Variants in ANO1 observed in about 807,000 individuals in gnomAD.
ANO1 encodes the protein anoctamin-1.
A neutral mutation model predicts 124.0 loss-of-function variants in ANO1; 59 were observed. That is an observed-to-expected ratio of 0.48 (90% CI 0.39 to 0.59). The LOEUF (loss-of-function observed/expected upper bound fraction) is 0.59, where lower values mean the gene tolerates loss of function less well. Among genes scored for constraint, ANO1 ranks in the 20% least tolerant of loss-of-function variants. ANO1 has a pLI of 0.00. For missense variants in ANO1, 1,059 were observed against 1,328.0 expected (o/e 0.80, Z 3.15); for synonymous variants, 529 against 532.0 (o/e 0.99, Z 0.08).
chr11:69,971,669 G>T, the ANO1 span, among the ~76,000 whole-genome samples: 2 of 152,000 alleles, frequency 1.3e-5, no homozygotes, highest in South Asian at 4.2e-4. Context: ...ATGGACTGGG[G>T]CTGTCGGAGG....
chr11:70,139,472 C>T (rs1451768143), intron 11 of ANO1, among the ~76,000 whole-genome samples: 1 of 152,098 alleles, frequency 6.6e-6, no homozygotes, highest in Non-Finnish European at 1.5e-5. Flanking sequence ...TATAGCCGCC[C>T]GCCACCACGC....
At chr11:70,146,117 A>G (rs894367054) in intron 11 of ANO1, among the ~76,000 whole-genome samples, 2 of 152,084 alleles carry the variant, frequency 1.3e-5, no homozygotes, top group Non-Finnish European at 2.9e-5. Context: ...TTTCTTAAGG[A>G]AAGTTAAATA....
intron 8 of ANO1, among the ~76,000 whole-genome samples, chr11:70,119,574 T>C (rs907912277): frequency 2.1e-5 from 3 of 145,750 alleles, no homozygotes; most frequent in Admixed American, 2.1e-4. Flanking sequence ...TGATGGTTGA[T>C]GGGTAGATGG....
At chr11:70,098,305 C>T (rs1253416083) in intron 2 of ANO1, among the ~76,000 whole-genome samples, 1 of 152,222 alleles carries the variant, frequency 6.6e-6, no homozygotes, top group East Asian at 1.9e-4. Context: ...GCCCAAACCC[C>T]ACCAACGATG....
chr11:70,017,681 A>C (rs1856727249), intron 1 of ANO1, among the ~76,000 whole-genome samples: 1 of 151,202 alleles, frequency 6.6e-6, no homozygotes, highest in Non-Finnish European at 1.5e-5. Flanking sequence ...CACCCAGCTA[A>C]TTTTTAAATT....
At chr11:69,992,586 G>T (rs1856177589) in intron 1 of ANO1, among the ~76,000 whole-genome samples, 1 of 152,210 alleles carries the variant, frequency 6.6e-6, no homozygotes, top group African/African-American at 2.4e-5. Flanking sequence ...TACCAGTTAG[G>T]TATGGCAGGA....
chr11:69,974,140 G>A, the ANO1 span, among the ~76,000 whole-genome samples: 2 of 151,838 alleles, frequency 1.3e-5, no homozygotes, highest in Non-Finnish European at 2.9e-5. Context: ...CCAACATGGT[G>A]AAACTCCATC....
chr11:70,178,065 C>T (rs1047850833), intron 22 of ANO1, among the ~76,000 whole-genome samples: 1 of 152,324 alleles, frequency 6.6e-6, no homozygotes, highest in East Asian at 1.9e-4. Context: ...TTTCTGCACT[C>T]GTGCAGTCAC....
At chr11:70,062,063 C>CTTTTTTTTTTTTTTTTTTTTTTTT (rs1857593075) in intron 1 of ANO1, among the ~76,000 whole-genome samples, 2 of 76,700 alleles carry the variant, frequency 2.6e-5, no homozygotes, top group Non-Finnish European at 5.7e-5. Flanking sequence ...CTCTTTCCTT[C>CTTTTTTTTTTTTTTTTTTTTTTTT]TTTCTTTTTT....
At chr11:70,152,847 G>T (rs936956109) in intron 13 of ANO1, among the ~76,000 whole-genome samples, 1 of 152,244 alleles carries the variant, frequency 6.6e-6, no homozygotes, top group African/African-American at 2.4e-5. Flanking sequence ...CTCCCAATGG[G>T]CTGGGGTTCC....
intron 1 of ANO1, among the ~76,000 whole-genome samples, chr11:70,061,393 G>T (rs1295153167): frequency 6.6e-6 from 1 of 152,022 alleles, no homozygotes; most frequent in Non-Finnish European, 1.5e-5. Context: ...AACATTCCAG[G>T]TGAGTTGTTG....
chr11:69,983,853 C>G (rs1855978578), upstream of ANO1, among the ~76,000 whole-genome samples: 1 of 152,198 alleles, frequency 6.6e-6, no homozygotes, highest in Admixed American at 6.5e-5. Flanking sequence ...AAAGCGGCTT[C>G]AATCGGAATG....
Position 70,062,065 on chromosome 11 carries a change from TTC to T in ANO1, c.59-16475_59-16474del, listed in dbSNP as rs1208725036. Reference sequence around the variant, plus strand: ...AGGTGATTTTTTTCTCTTTCCTTCTTTCTTTTTTTTTTTTTTTTTTTTTTTTT... The same window carrying T: ...AGGTGATTTTTTTCTCTTTCCTTCTTTTTTTTTTTTTTTTTTTTTTTTTTT... On this transcript the variant is annotated intron_variant, in intron 1 of 27. Coordinates refer to the ANO1 transcript ENST00000531349. Among the ~76,000 whole-genome samples, 593 of 133,918 alleles carry T rather than the reference TTC, an allele frequency of 4.4e-3. 43 individuals carry two copies. Among genetic ancestry groups the T allele is most frequent in the Admixed American group, 0.027 (332 of 12,150 alleles). The allele number at this position is 133,918 out of a possible 152,430, so 87.9% of individuals were successfully genotyped here.
At chr11:70,144,473 G>A (rs2047277657) in intron 11 of ANO1, among the ~76,000 whole-genome samples, 1 of 152,216 alleles carries the variant, frequency 6.6e-6, no homozygotes, top group Non-Finnish European at 1.5e-5. Flanking sequence ...GCAGCAGTGT[G>A]GTCAGCTGCC....
chr11:70,024,386 C>T (rs1204490670), intron 1 of ANO1, among the ~76,000 whole-genome samples: 2 of 152,186 alleles, frequency 1.3e-5, no homozygotes, highest in Non-Finnish European at 2.9e-5. Flanking sequence ...AAAACCAGGA[C>T]AAGAACGGCA....
chr11:70,179,865 C>T (rs2048867200), intron 22 of ANO1, 139 bp from the exon 23 acceptor site: 3 of 732,312 alleles, frequency 4.1e-6, no homozygotes, highest in African/African-American at 3.5e-5. Context: ...GAACAAATGA[C>T]TCTTGGTTGC....
chr11:69,971,875 C>A, the ANO1 span, among the ~76,000 whole-genome samples: 1 of 152,130 alleles, frequency 6.6e-6, no homozygotes, highest in East Asian at 1.9e-4. Context: ...ACAAAACAGA[C>A]ACTGACTGCT....
intron 1 of ANO1, among the ~76,000 whole-genome samples, chr11:70,011,611 T>C (rs1290188641): frequency 6.6e-6 from 1 of 152,218 alleles, no homozygotes; most frequent in Non-Finnish European, 1.5e-5. Flanking sequence ...GATTCTAAGA[T>C]GAAGCATCTC....
At chr11:70,027,697 G>A (rs1490006051) in intron 1 of ANO1, among the ~76,000 whole-genome samples, 1 of 152,182 alleles carries the variant, frequency 6.6e-6, no homozygotes, top group Admixed American at 6.5e-5. Context: ...TCAGGTCTGG[G>A]CAGGAGGCAC....
Sources: gnomAD v4.1 joint callset for allele counts (sites outside exome capture counted in the v4.1 genomes callset) on GRCh38, gnomAD v4.1.1 for gene constraint, MANE v1.5 for transcripts, NCBI Gene and HGNC (gene_info 2026-07-23, HGNC 2026-07-21) for gene names.